Variants in SSH1 observed in about 807,000 individuals in gnomAD.
The protein encoded by SSH1 is slingshot protein phosphatase 1.
In SSH1, 43 loss-of-function variants were observed where a neutral mutation model predicts 79.7. The ratio of observed to expected loss-of-function variants is 0.54; its 90% CI spans 0.42 to 0.70. SSH1 has a LOEUF of 0.70. SSH1 is among the 30% of genes least tolerant of loss of function. The probability of loss-of-function intolerance (pLI) is 0.00; values close to 1 mark genes in which losing one functional copy is unlikely to be tolerated. For missense variants in SSH1, 1,206 were observed against 1,358.8 expected (o/e 0.89, Z 1.77); for synonymous variants, 599 against 538.3 (o/e 1.11, Z -1.56).
Position 108,817,199 on chromosome 12 carries a change from G to A in SSH1, c.280-40C>T, listed in dbSNP as rs778093144. 9 of 1,610,316 alleles carry A rather than the reference G, an allele frequency of 5.6e-6. No homozygotes were observed. The Admixed American group carries it at 1.5e-4, about 27-fold the overall frequency. On this transcript the variant is annotated intron_variant, in intron 4 of 14. Transcript: ENST00000326495. ...ACATGCTCTCACTAACCTGCCTTTG[G>A]AGGTGGTGCCTCCCTCCCATCTCCA...
intron 8 of SSH1, among the ~76,000 whole-genome samples, chr12:108,806,682 G>C (rs555613048): frequency 6.6e-6 from 1 of 152,184 alleles, no homozygotes; most frequent in Admixed American, 6.5e-5. Flanking sequence ...GATGCCCAGC[G>C]CAACATCCCC....
At chr12:108,855,527 C>T (rs1195508323) in intron 1 of SSH1, among the ~76,000 whole-genome samples, 1 of 152,092 alleles carries the variant, frequency 6.6e-6, no homozygotes, top group Non-Finnish European at 1.5e-5. Context: ...CCTTAAAATG[C>T]GTAAGACAAG....
At position 108,856,418 on chromosome 12, in the gene SSH1, C is replaced by CA. The variant is rs147888035; in HGVS notation, c.69+1009dup. ...CGGACCTGGGCCACACACAGACCCA[C>CA]AAAAACGCGCACAGTGCCAGGACAC... On this transcript the variant is annotated intron_variant, in intron 1 of 14. Coordinates refer to ENST00000326495, the MANE Select transcript of SSH1 (RefSeq NM_018984.4). Among the ~76,000 whole-genome samples, 929 of 152,348 alleles carry CA rather than the reference C, an allele frequency of 6.1e-3. 9 individuals carry two copies. The highest frequency in any genetic ancestry group is 0.022 in the African/African-American group (901 of 41,570).
At chr12:108,809,626 T>C (rs2037473905) in intron 7 of SSH1, 67 bp downstream of exon 7, 1 of 1,407,858 alleles carries the variant, frequency 7.1e-7, no homozygotes, top group Non-Finnish European at 1.0e-6. Flanking sequence ...AGAAGGGGTT[T>C]TTCTATTCAT....
At chr12:108,820,566 T>TA (rs1351390422) in intron 3 of SSH1, among the ~76,000 whole-genome samples, 8 of 152,210 alleles carry the variant, frequency 5.3e-5, no homozygotes, top group Admixed American at 4.6e-4. Context: ...TTTGCTGAGA[T>TA]ATGGAACTGC....
Position 108,788,441 on chromosome 12 carries a change from AG to A in SSH1, c.2696del (p.Pro899LeufsTer18), listed in dbSNP as rs756048901. On this transcript the variant is annotated frameshift_variant, in exon 15 of 15. Transcript: ENST00000326495. LOFTEE classifies it high-confidence loss of function. ...TGTGGTCCAGGCGGTAGAAGAAAGG[AG>A]GGGGGCTCTTCAGTGAGCCTCCTTC... ...SLEGGSLKSP[P>X]PFFYRLDHTS... 5.7e-6 allele frequency: 9 copies of A among 1,577,654 alleles called. No individual in the cohort carries two copies. Among genetic ancestry groups the A allele is most frequent in the Admixed American group, 3.7e-5 (2 of 54,562 alleles).
chr12:108,802,740 G>A (rs1001635398), intron 10 of SSH1, among the ~76,000 whole-genome samples: 8 of 152,060 alleles, frequency 5.3e-5, no homozygotes, highest in Middle Eastern at 3.2e-3. Flanking sequence ...GGAAGGGCAC[G>A]TTCACAAGCC....
intron 2 of SSH1, among the ~76,000 whole-genome samples, chr12:108,824,734 C>T (rs886340413): frequency 1.3e-5 from 2 of 152,200 alleles, no homozygotes; most frequent in Non-Finnish European, 2.9e-5. Context: ...GCCTGGGCAA[C>T]GTTGTGAGAC....
intron 14 of SSH1, among the ~76,000 whole-genome samples, chr12:108,789,992 C>T (rs1236467619): frequency 1.3e-5 from 2 of 152,076 alleles, no homozygotes; most frequent in African/African-American, 2.4e-5. Flanking sequence ...CTACACCCCG[C>T]CAGCTCTGTC....
rs147064525 is a variant in SSH1, at chr12:108,812,329, G to A, written c.402-1001C>T. Among the ~76,000 whole-genome samples the A allele has an allele frequency of 1.6e-3, 247 of 152,392 alleles. 1 individual carries two copies. Among genetic ancestry groups the A allele is most frequent in the Middle Eastern group, 6.8e-3 (2 of 294 alleles). On this transcript the variant is annotated intron_variant, in intron 5 of 14. Transcript: ENST00000326495. ...CCACGTGGCTGTGTCAGCCCCAGGA[G>A]GAGGCAAGGAAAGGGTCCCTATGGA...
At chr12:108,840,812 C>CT in intron 2 of SSH1, among the ~76,000 whole-genome samples, 1 of 152,212 alleles carries the variant, frequency 6.6e-6, no homozygotes, top group Non-Finnish European at 1.5e-5. Flanking sequence ...AGGCTAAGCC[C>CT]TGCGGAGGAG....
chr12:108,814,769 C>T (rs921016966), intron 5 of SSH1, among the ~76,000 whole-genome samples: 1 of 152,108 alleles, frequency 6.6e-6, no homozygotes, highest in African/African-American at 2.4e-5. Context: ...GCAGGAGAGG[C>T]GAGGGAACCA....
At position 108,835,933 on chromosome 12, in the gene SSH1, A is replaced by AATTAGAACTATATTAATATAATCG. The variant is rs1555238895; in HGVS notation, c.111-12573_111-12572insCGATTATATTAATATAGTTCTAAT. 1.7e-4 allele frequency among the ~76,000 whole-genome samples: 4 copies of AATTAGAACTATATTAATATAATCG among 23,502 alleles called. 1 individual carries two copies. Among genetic ancestry groups the AATTAGAACTATATTAATATAATCG allele is most frequent in the Non-Finnish European group, 2.5e-4 (3 of 11,982 alleles). 15.4% of individuals were successfully genotyped at this position (23,502 alleles called of 152,430 possible). The stretch of plus-strand genomic sequence containing the variant: ...TAATTATAACTATATTAATATAATC[A>AATTAGAACTATATTAATATAATCG]ATTATAACTATATTAATATAATCGA... On this transcript the variant is annotated intron_variant, in intron 2 of 14. Transcript: ENST00000326495.
rs752113228 is a variant in SSH1 at position 108,792,726 on chromosome 12, C to G, written c.1453G>C (p.Asp485His). 1.9e-6 allele frequency: 3 copies of G among 1,613,694 alleles called. No individual in the cohort carries two copies. In the African/African-American group the frequency reaches 4.0e-5, roughly 22 times the overall value. Residue 485 changes from aspartate to histidine, a missense_variant, in exon 14 of 15, where the codon GAT becomes CAT. By Grantham distance (81) the Asp-to-His change is moderately conservative (BLOSUM62 -1). Coordinates refer to ENST00000326495, the MANE Select transcript of SSH1 (RefSeq NM_018984.4). ...GPGDFLPETP[D>H]GTPESQLPFL... ...GGCAGCTGGCTTTCCGGGGTGCCAT[C>G]TGGGGTCTCTGGCAAGAAGTCGCCA...
rs1325538290 is a variant in SSH1 at position 108,807,112 on chromosome 12, C to G, written c.731+521G>C. Among the ~76,000 whole-genome samples the G allele has an allele frequency of 1.3e-5, 2 of 152,198 alleles. No homozygotes were observed. The highest frequency in any genetic ancestry group is 4.8e-5 in the African/African-American group (2 of 41,454). ...CTAACTAGACTTCAGCGAGTGTGGC[C>G]TCTCCATGTCAGCGCTGTCGTAGGT... On this transcript the variant is annotated intron_variant, in intron 8 of 14. Coordinates refer to ENST00000326495, the MANE Select transcript of SSH1 (RefSeq NM_018984.4). This position sits in a 1 kb window ranked among gnomAD's most constrained non-coding sequence, Gnocchi z 5.2.
At chr12:108,799,754 C>T (rs1468750257) in intron 12 of SSH1, among the ~76,000 whole-genome samples, 1 of 152,168 alleles carries the variant, frequency 6.6e-6, no homozygotes, top group Non-Finnish European at 1.5e-5. Context: ...CAAAAAAAAG[C>T]CAGGAGTGGA....
chr12:108,855,565 G>A (rs1444467273), intron 1 of SSH1, among the ~76,000 whole-genome samples: 1 of 152,180 alleles, frequency 6.6e-6, no homozygotes, highest in Non-Finnish European at 1.5e-5. Context: ...GTAACTCTAG[G>A]AACATGGGGT....
At chr12:108,836,664 A>C (rs2038639410) in intron 2 of SSH1, among the ~76,000 whole-genome samples, 2 of 152,230 alleles carry the variant, frequency 1.3e-5, no homozygotes, top group African/African-American at 4.8e-5. Flanking sequence ...ATAATTTTAA[A>C]GTATCTCTCC....
intron 5 of SSH1, among the ~76,000 whole-genome samples, chr12:108,812,107 C>G (rs999592580): frequency 2.6e-5 from 4 of 152,162 alleles, no homozygotes; most frequent in African/African-American, 9.7e-5. Flanking sequence ...CCATGCAGGA[C>G]TCTTCTCAAC....
Sources: allele counts gnomAD v4.1 joint callset (sites outside exome capture counted in the v4.1 genomes callset), GRCh38; gene constraint gnomAD v4.1.1; non-coding constraint Gnocchi (gnomAD v3.1); transcripts MANE v1.5; gene names NCBI Gene and HGNC (gene_info 2026-07-23, HGNC 2026-07-21).